Variants in IGSF11 observed in about 807,000 individuals in gnomAD.
IGSF11 encodes the protein immunoglobulin superfamily member 11.
IGSF11 carries 22 observed loss-of-function variants against 41.0 expected under a neutral mutation model. The ratio of observed to expected loss-of-function variants is 0.54; its 90% confidence interval spans 0.38 to 0.77. IGSF11 has a LOEUF of 0.77. Among genes scored for constraint, IGSF11 ranks in the 30% least tolerant of loss-of-function variants. The pLI is 0.00. For missense variants in IGSF11, 444 were observed against 530.8 expected (o/e 0.84, Z 1.61); for synonymous variants, 219 against 201.3 (o/e 1.09, Z -0.74).
At chr3:119,032,969 A>G (rs74680876) in intron 1 of IGSF11, among the ~76,000 whole-genome samples, 1,666 of 152,334 alleles carry the variant, frequency 0.011, 32 homozygotes, top group East Asian at 0.06. Context: ...ATGCCTCTAC[A>G]TAACAGGTTA....
At chr3:119,116,820 AC>A (rs2077261875) in intron 1 of IGSF11, among the ~76,000 whole-genome samples, 1 of 152,178 alleles carries the variant, frequency 6.6e-6, no homozygotes, top group African/African-American at 2.4e-5. Context: ...CATATCTGAC[AC>A]CCATGTCTCC....
chr3:118,999,390 T>A (rs551003587), intron 1 of IGSF11, among the ~76,000 whole-genome samples: 5 of 152,300 alleles, frequency 3.3e-5, no homozygotes, highest in African/African-American at 1.2e-4. Flanking sequence ...AAGAAACTGC[T>A]ATAATTATGT....
intron 1 of IGSF11, among the ~76,000 whole-genome samples, chr3:118,963,126 G>T (rs1268096094): frequency 6.6e-6 from 1 of 152,106 alleles, no homozygotes; most frequent in Admixed American, 6.5e-5. Flanking sequence ...TGAACCACAG[G>T]CATCAGGATT....
intron 1 of IGSF11, among the ~76,000 whole-genome samples, chr3:119,013,901 T>G (rs996530945): frequency 6.6e-6 from 1 of 152,248 alleles, no homozygotes; most frequent in Non-Finnish European, 1.5e-5. Flanking sequence ...ACACTACTTT[T>G]GGTTTCAGAT....
chr3:119,138,917 C>T (rs2077601060), intron 1 of IGSF11, among the ~76,000 whole-genome samples: 2 of 151,934 alleles, frequency 1.3e-5, no homozygotes, highest in Admixed American at 6.6e-5. Flanking sequence ...TAAAGGAGAA[C>T]AAAAGCACAG....
chr3:118,931,361 T>C (rs1378908893), intron 1 of IGSF11, among the ~76,000 whole-genome samples: 1 of 152,222 alleles, frequency 6.6e-6, no homozygotes, highest in East Asian at 1.9e-4. Context: ...TGAATGTTCA[T>C]AACAGCATTA....
chr3:119,067,498 C>T (rs1942267998), intron 1 of IGSF11, among the ~76,000 whole-genome samples: 1 of 152,204 alleles, frequency 6.6e-6, no homozygotes, highest in South Asian at 2.1e-4. Context: ...AGGTCCCCTC[C>T]CTTGGTGGGT....
chr3:119,028,773 T>C (rs1024105037), intron 1 of IGSF11, among the ~76,000 whole-genome samples: 6 of 152,128 alleles, frequency 3.9e-5, no homozygotes, highest in Non-Finnish European at 4.4e-5. Context: ...TAAAGATTAG[T>C]TGAAGCTGAC....
Position 118,909,809 on chromosome 3 carries a change from T to C in IGSF11, c.581-4091A>G, listed in dbSNP as rs1940052657. Among the ~76,000 whole-genome samples, 4 of 152,224 alleles carry C rather than the reference T, an allele frequency of 2.6e-5. No individual in the cohort carries two copies. The South Asian group carries it at 6.2e-4, about 24-fold the overall frequency. ...AGATTCATTTCTGATGTCATGTTAG[T>C]ATACTGCAGAGCAACATTCTCACCC... On this transcript the variant is annotated intron_variant, in intron 4 of 6. Transcript: ENST00000393775.
chr3:118,905,546 A>G (rs1054115305), intron 5 of IGSF11, 50 bp downstream of exon 5: 1 of 1,601,142 alleles, frequency 6.2e-7, no homozygotes, highest in African/African-American at 1.3e-5. Context: ...TATAACAAAG[A>G]TCTTAGAGTT....
At chr3:119,104,089 A>T (rs900973345) in intron 1 of IGSF11, among the ~76,000 whole-genome samples, 18 of 152,192 alleles carry the variant, frequency 1.2e-4, no homozygotes, top group African/African-American at 4.3e-4. Context: ...CATTTTTAAA[A>T]TAGAAATTTC....
chr3:118,989,292 G>C (rs1935551884), intron 1 of IGSF11, among the ~76,000 whole-genome samples: 1 of 152,178 alleles, frequency 6.6e-6, no homozygotes, highest in Non-Finnish European at 1.5e-5. Flanking sequence ...ATTGTTGGTT[G>C]TTGATCCACA....
At chr3:118,976,893 T>G (rs1187088369) in intron 1 of IGSF11, among the ~76,000 whole-genome samples, 1 of 152,170 alleles carries the variant, frequency 6.6e-6, no homozygotes, top group Non-Finnish European at 1.5e-5. Context: ...TAATCATATT[T>G]TCAAAAATAG....
intron 1 of IGSF11, among the ~76,000 whole-genome samples, chr3:118,988,514 C>T (rs1024635384): frequency 6.6e-5 from 10 of 152,010 alleles, no homozygotes; most frequent in African/African-American, 2.2e-4. Context: ...TGCAGCCTTC[C>T]GAAGCTGGGA....
intron 1 of IGSF11, among the ~76,000 whole-genome samples, chr3:119,085,964 A>C (rs2076664552): frequency 6.6e-6 from 1 of 152,248 alleles, no homozygotes; most frequent in Non-Finnish European, 1.5e-5. Context: ...AGCGGCTCTA[A>C]GGCCCTGTTA....
At chr3:119,031,566 T>A (rs1310208611) in intron 1 of IGSF11, among the ~76,000 whole-genome samples, 2 of 152,220 alleles carry the variant, frequency 1.3e-5, no homozygotes, top group Admixed American at 1.3e-4. Context: ...AAACAAGTAC[T>A]TTTACCCCTT....
chr3:119,121,933 C>T (rs150978506), intron 1 of IGSF11, among the ~76,000 whole-genome samples: 411 of 152,280 alleles, frequency 2.7e-3, no homozygotes, highest in Non-Finnish European at 4.6e-3. Flanking sequence ...AAGAAAATGA[C>T]AGTCAACTAA....
At chr3:119,011,515 C>A (rs1938111548) in intron 1 of IGSF11, among the ~76,000 whole-genome samples, 1 of 152,158 alleles carries the variant, frequency 6.6e-6, no homozygotes, top group South Asian at 2.1e-4. Context: ...GTAGAAAAAT[C>A]TGCCATCCTT....
At chr3:119,075,846 T>C (rs970010356) in intron 1 of IGSF11, among the ~76,000 whole-genome samples, 1 of 152,210 alleles carries the variant, frequency 6.6e-6, no homozygotes, top group Non-Finnish European at 1.5e-5. Flanking sequence ...CAAGGTAATT[T>C]ATAGATTCAA....
Sources: gnomAD v4.1 joint callset for allele counts (sites outside exome capture counted in the v4.1 genomes callset) on GRCh38, gnomAD v4.1.1 for gene constraint, MANE v1.5 for transcripts, NCBI Gene and HGNC (gene_info 2026-07-23, HGNC 2026-07-21) for gene names.